GRIK2: variants seen among roughly 807,000 people sequenced by gnomAD.
GRIK2 encodes the protein glutamate ionotropic receptor kainate type subunit 2, also known as glutamate receptor ionotropic, kainate 2.
GRIK2 carries 32 observed loss-of-function variants against 100.3 expected under a neutral mutation model. That is an observed-to-expected ratio of 0.32 (90% CI 0.24 to 0.43). GRIK2 has a LOEUF of 0.43. GRIK2 is among the 20% of genes least tolerant of loss of function. GRIK2 has a pLI of 1.00. For missense variants in GRIK2, 843 were observed against 1,114.9 expected (o/e 0.76, Z 3.47); for synonymous variants, 417 against 389.4 (o/e 1.07, Z -0.83).
At chr6:102,050,723 G>T (rs772401968) in intron 15 of GRIK2, among the ~76,000 whole-genome samples, 3 of 149,500 alleles carry the variant, frequency 2.0e-5, no homozygotes, top group Non-Finnish European at 4.5e-5. Flanking sequence ...AAAGAAAAAG[G>T]AAAGGGAACA....
At chr6:101,712,993 A>G (rs139951485) in intron 7 of GRIK2, among the ~76,000 whole-genome samples, 1 of 151,942 alleles carries the variant, frequency 6.6e-6, no homozygotes, top group East Asian at 1.9e-4. Flanking sequence ...ACATACCTCA[A>G]ATATGTTTGG....
At chr6:101,950,807 C>T (rs1198184727) in intron 14 of GRIK2, among the ~76,000 whole-genome samples, 1 of 152,006 alleles carries the variant, frequency 6.6e-6, no homozygotes, top group Admixed American at 6.6e-5. Flanking sequence ...CCACTGGATT[C>T]AAAATTAATA....
chr6:101,916,289 T>C (rs763601718), intron 12 of GRIK2, among the ~76,000 whole-genome samples: 1 of 151,500 alleles, frequency 6.6e-6, no homozygotes, highest in Non-Finnish European at 1.5e-5. Context: ...AGCATGATCT[T>C]TTCTTGAGCA....
At chr6:101,680,145 C>T (rs570406008) in intron 5 of GRIK2, among the ~76,000 whole-genome samples, 1 of 152,278 alleles carries the variant, frequency 6.6e-6, no homozygotes, top group East Asian at 1.9e-4. Context: ...TCCAATTACC[C>T]TCATAGATTT....
intron 2 of GRIK2, among the ~76,000 whole-genome samples, chr6:101,480,976 T>A (rs1322791524): frequency 2.0e-5 from 3 of 151,924 alleles, no homozygotes; most frequent in African/African-American, 7.3e-5. Flanking sequence ...CAAATGAGAG[T>A]GATATTGGCA....
chr6:102,041,301 GA>G (rs766103023), intron 15 of GRIK2, among the ~76,000 whole-genome samples: 1 of 151,610 alleles, frequency 6.6e-6, no homozygotes, highest in Non-Finnish European at 1.5e-5. Context: ...TATACACAAA[GA>G]TTGGATCATT....
intron 7 of GRIK2, among the ~76,000 whole-genome samples, chr6:101,792,322 G>A (rs1779931288): frequency 6.6e-6 from 1 of 151,836 alleles, no homozygotes; most frequent in Non-Finnish European, 1.5e-5. Flanking sequence ...TTACGTTTTG[G>A]CATGATTTTG....
At chr6:101,970,399 C>G (rs1039287661) in intron 14 of GRIK2, among the ~76,000 whole-genome samples, 2 of 152,010 alleles carry the variant, frequency 1.3e-5, no homozygotes, top group Non-Finnish European at 2.9e-5. Flanking sequence ...TATACAGCAG[C>G]TGTAGAGGTA....
intron 2 of GRIK2, among the ~76,000 whole-genome samples, chr6:101,594,398 A>T (rs1363633769): frequency 1.3e-5 from 2 of 151,872 alleles, no homozygotes; most frequent in African/African-American, 4.8e-5. Flanking sequence ...TCCTGGAGTT[A>T]TATTTGATGG....
intron 14 of GRIK2, among the ~76,000 whole-genome samples, chr6:102,031,128 C>CACA (rs1562124651): frequency 3.1e-5 from 2 of 65,450 alleles, no homozygotes; most frequent in East Asian, 4.5e-4. Flanking sequence ...CACACACACA[C>CACA]CCCCTTTGAG....
intron 4 of GRIK2, among the ~76,000 whole-genome samples, chr6:101,661,338 GCATC>G (rs900497980): frequency 1.7e-4 from 26 of 152,016 alleles, no homozygotes; most frequent in African/African-American, 5.6e-4. Flanking sequence ...CCAAGCTCAA[GCATC>G]CCAGGTTGAC....
intron 7 of GRIK2, among the ~76,000 whole-genome samples, chr6:101,713,866 A>C (rs1773883286): frequency 1.3e-5 from 2 of 151,792 alleles, no homozygotes; most frequent in African/African-American, 4.8e-5. Context: ...TCTATTCTAT[A>C]AAATATGAAA....
chr6:101,666,105 C>T (rs757050381), intron 4 of GRIK2, among the ~76,000 whole-genome samples: 1 of 152,162 alleles, frequency 6.6e-6, no homozygotes, highest in Non-Finnish European at 1.5e-5. Flanking sequence ...CCAAAGATTA[C>T]TCTCAAGTTT....
At chr6:101,988,126 TGTGTGTGCGCGC>T (rs1333238686) in intron 14 of GRIK2, among the ~76,000 whole-genome samples, 36 of 17,220 alleles carry the variant, frequency 2.1e-3, no homozygotes, top group Middle Eastern at 0.036. Context: ...TGTGTGTGTG[TGTGTGTGCGCGC>T]GCGCGCGCGC....
intron 7 of GRIK2, among the ~76,000 whole-genome samples, chr6:101,757,214 A>G (rs1489020636): frequency 6.6e-6 from 1 of 152,182 alleles, no homozygotes; most frequent in Non-Finnish European, 1.5e-5. Context: ...CTATCAAAAG[A>G]AAAATATTTT....
intron 7 of GRIK2, among the ~76,000 whole-genome samples, chr6:101,742,144 A>T (rs1355789533): frequency 2.0e-5 from 3 of 152,212 alleles, no homozygotes; most frequent in African/African-American, 7.2e-5. Flanking sequence ...GAAAAAGCAA[A>T]TGTATATCTT....
intron 2 of GRIK2, among the ~76,000 whole-genome samples, chr6:101,557,224 T>G (rs1286239079): frequency 6.6e-6 from 1 of 152,222 alleles, no homozygotes; most frequent in Non-Finnish European, 1.5e-5. Context: ...CTTTAAATTT[T>G]TTGGCTTTTA....
chr6:101,459,663 C>T (rs1311059872), intron 2 of GRIK2, among the ~76,000 whole-genome samples: 1 of 152,128 alleles, frequency 6.6e-6, no homozygotes, highest in Non-Finnish European at 1.5e-5. Context: ...CAATATTGGA[C>T]CATTCATGGT....
chr6:101,928,933 T>A (rs1031757025), intron 14 of GRIK2, among the ~76,000 whole-genome samples: 12 of 152,226 alleles, frequency 7.9e-5, no homozygotes, highest in Non-Finnish European at 1.6e-4. Context: ...AAACAAAATG[T>A]ATTTTTTGAA....
Sources: gnomAD v4.1 joint callset for allele counts (sites outside exome capture counted in the v4.1 genomes callset) on GRCh38, gnomAD v4.1.1 for gene constraint, MANE v1.5 for transcripts, NCBI Gene and HGNC (gene_info 2026-07-23, HGNC 2026-07-21) for gene names.